The following CDK14 variants were observed in gnomAD, a reference collection of about 807,000 sequenced individuals.
The protein encoded by CDK14 is cyclin dependent kinase 14.
A neutral mutation model predicts 60.7 loss-of-function variants in CDK14; 34 were observed. The observed-to-expected ratio is 0.56, with a 90% CI of 0.43 to 0.75. The LOEUF (loss-of-function observed/expected upper bound fraction) is 0.75. Ranked by LOEUF, CDK14 falls within the 30% of genes least tolerant of loss-of-function variation. The pLI is 0.00. For missense variants in CDK14, 482 were observed against 564.1 expected, an observed-to-expected ratio of 0.85 and a Z score of 1.47; for synonymous variants, 197 against 203.7, an observed-to-expected ratio of 0.97 and a Z score of 0.28.
chr7:90,812,459 G>T (rs113517242), intron 5 of CDK14, among the ~76,000 whole-genome samples: 1 of 152,024 alleles, frequency 6.6e-6, no homozygotes, highest in African/African-American at 2.4e-5. Context: ...ACACACTGGG[G>T]CCTGTTGTGG....
intron 2 of CDK14, among the ~76,000 whole-genome samples, chr7:90,656,312 A>AT (rs1800749670): frequency 6.6e-6 from 1 of 152,034 alleles, no homozygotes; most frequent in Admixed American, 6.5e-5. Context: ...TAAATACGTC[A>AT]TGCATGGTAG....
chr7:90,602,726 A>G (rs887333687), intron 1 of CDK14, among the ~76,000 whole-genome samples: 11 of 152,380 alleles, frequency 7.2e-5, no homozygotes, highest in African/African-American at 2.6e-4. Context: ...AAGATAAGCC[A>G]TTCACAACAA....
intron 2 of CDK14, among the ~76,000 whole-genome samples, chr7:90,615,686 T>C (rs1419895795): frequency 6.6e-6 from 1 of 152,198 alleles, no homozygotes; most frequent in Non-Finnish European, 1.5e-5. Context: ...AATTATAACC[T>C]GTGACATATC....
intron 3 of CDK14, among the ~76,000 whole-genome samples, chr7:90,744,461 T>C (rs1317524160): frequency 6.6e-6 from 1 of 152,256 alleles, no homozygotes; most frequent in Non-Finnish European, 1.5e-5. Context: ...TTCCCCACTT[T>C]TCCCGCCTTT....
chr7:90,719,770 G>A (rs747588208), intron 2 of CDK14, among the ~76,000 whole-genome samples: 10 of 152,182 alleles, frequency 6.6e-5, no homozygotes, highest in East Asian at 1.9e-4. Context: ...ATATGTTTTC[G>A]AATACCAGGA....
intron 2 of CDK14, among the ~76,000 whole-genome samples, chr7:90,662,810 T>A (rs1283757609): frequency 6.6e-6 from 1 of 152,172 alleles, no homozygotes; most frequent in Non-Finnish European, 1.5e-5. Flanking sequence ...TTGCTTTTTC[T>A]CAAGAAGAAC....
chr7:90,880,534 A>G (rs1016586389), intron 6 of CDK14, among the ~76,000 whole-genome samples: 1 of 152,190 alleles, frequency 6.6e-6, no homozygotes, highest in Admixed American at 6.5e-5. Flanking sequence ...CAGGCAGCCC[A>G]GATGAGTGGG....
chr7:90,932,718 T>G (rs1401494687), intron 8 of CDK14, among the ~76,000 whole-genome samples: 1 of 152,250 alleles, frequency 6.6e-6, no homozygotes, highest in African/African-American at 2.4e-5. Context: ...GGTAAGAGTC[T>G]GAGTATGGCC....
chr7:91,044,395 G>A lies in CDK14; in HGVS notation c.1042-1502G>A, dbSNP rs76377515. ...GGTGGAGACCAAGGCTTTATCATGC[G>A]GATGAAGCCTCCAGGTAGCAGGCTT... is the stretch of plus-strand genomic sequence containing the variant. On this transcript the variant is annotated intron_variant, in intron 10 of 14. Transcript: ENST00000380050. Among the ~76,000 whole-genome samples, 316 of 152,282 alleles carry A rather than the reference G, an allele frequency of 2.1e-3. 3 individuals are homozygous for A. Among genetic ancestry groups the A allele is most frequent in the Middle Eastern group, 3.4e-3 (1 of 294 alleles).
chr7:90,686,847 T>C (rs908794203), intron 2 of CDK14, among the ~76,000 whole-genome samples: 1 of 152,186 alleles, frequency 6.6e-6, no homozygotes, highest in Non-Finnish European at 1.5e-5. Context: ...AGTTTTCATA[T>C]GTTAAACATT....
intron 5 of CDK14, among the ~76,000 whole-genome samples, chr7:90,818,176 A>G (rs547249605): frequency 6.6e-6 from 1 of 152,340 alleles, no homozygotes; most frequent in South Asian, 2.1e-4. Context: ...CCTCTCTAGC[A>G]TAACTGTGAA....
At chr7:90,893,760 A>T (rs1216032664) in intron 6 of CDK14, among the ~76,000 whole-genome samples, 1 of 152,232 alleles carries the variant, frequency 6.6e-6, no homozygotes, top group African/African-American at 2.4e-5. Context: ...TAAAATAGAA[A>T]TTTGTGAAAC....
At chr7:90,949,035 T>C (rs888676638) in intron 8 of CDK14, among the ~76,000 whole-genome samples, 1 of 152,184 alleles carries the variant, frequency 6.6e-6, no homozygotes, top group African/African-American at 2.4e-5. Context: ...TTATTTTCTA[T>C]GCAAAAAGAG....
At chr7:90,698,499 A>G (rs1213099274) in intron 2 of CDK14, among the ~76,000 whole-genome samples, 3 of 152,206 alleles carry the variant, frequency 2.0e-5, no homozygotes, top group Admixed American at 6.5e-5. Flanking sequence ...GAGTCACCAA[A>G]TTTTAATAAG....
chr7:90,712,035 T>C lies in CDK14; in HGVS notation c.124-14532T>C, dbSNP rs115490064. The stretch of plus-strand genomic sequence containing the variant: ...CACTGCACGCAGCTACAGTCTACTT[T>C]TAAAAATATTTCAAAGAGAAAATAT... On this transcript the variant is annotated intron_variant, in intron 2 of 14. Transcript: ENST00000380050. Among the ~76,000 whole-genome samples the C allele has an allele frequency of 5.5e-3, 830 of 152,016 alleles. 14 individuals carry two copies. The highest frequency in any genetic ancestry group is 0.019 in the African/African-American group (802 of 41,510).
intron 3 of CDK14, among the ~76,000 whole-genome samples, chr7:90,728,880 G>C (rs754076281): frequency 2.0e-5 from 3 of 151,954 alleles, no homozygotes; most frequent in Non-Finnish European, 4.4e-5. Flanking sequence ...CTCAAATGTC[G>C]CTGTCTCTTG....
At chr7:91,068,538 G>A (rs750300959) in intron 11 of CDK14, among the ~76,000 whole-genome samples, 25 of 152,174 alleles carry the variant, frequency 1.6e-4, no homozygotes, top group Admixed American at 6.5e-4. Flanking sequence ...TTTGTAACCT[G>A]GAAATTGGAG....
At chr7:91,023,261 C>T (rs1377265151) in intron 10 of CDK14, among the ~76,000 whole-genome samples, 4 of 152,114 alleles carry the variant, frequency 2.6e-5, no homozygotes, top group Non-Finnish European at 4.4e-5. Context: ...CATTACTGTT[C>T]CTGCTGCTCT....
intron 10 of CDK14, among the ~76,000 whole-genome samples, chr7:90,989,723 C>T (rs1393040713): frequency 2.6e-5 from 4 of 152,216 alleles, no homozygotes; most frequent in South Asian, 2.1e-4. Context: ...GTTTTCTACC[C>T]GCCCTCACCC....
Sources: gnomAD v4.1 joint callset for allele counts (sites outside exome capture counted in the v4.1 genomes callset) on GRCh38, gnomAD v4.1.1 for gene constraint, MANE v1.5 for transcripts, NCBI Gene and HGNC (gene_info 2026-07-23, HGNC 2026-07-21) for gene names.